The following SATB1 variants were observed in gnomAD, a reference collection of about 807,000 sequenced individuals.
The protein encoded by SATB1 is SATB homeobox 1, also known as DNA-binding protein SATB1.
SATB1 carries 11 observed loss-of-function variants against 86.9 expected under a neutral mutation model. The observed-to-expected ratio is 0.13, with a 90% CI of 0.08 to 0.21. The LOEUF is 0.21. Ranked by LOEUF, SATB1 falls within the 10% of genes least tolerant of loss-of-function variation. The pLI is 1.00. For synonymous variants in SATB1, 357 were observed against 357.2 expected (o/e 1.00, Z 0.01); for missense variants, 551 against 937.6 (o/e 0.59, Z 5.39).
intron 2 of SATB1, chr3:18,417,740 T>A: frequency 1.5e-6 from 1 of 685,832 alleles, no homozygotes; most frequent in Non-Finnish European, 2.6e-6. Flanking sequence ...TTATGAATAC[T>A]CATTTAACCT....
chr3:18,414,293 A>C (rs1698010157), intron 5 of SATB1, among the ~76,000 whole-genome samples: 1 of 152,066 alleles, frequency 6.6e-6, no homozygotes, highest in Non-Finnish European at 1.5e-5. Flanking sequence ...TTAAGAGTAG[A>C]TTCACAGCAT....
intron 1 of SATB1, among the ~76,000 whole-genome samples, chr3:18,437,380 C>T (rs1699099599): frequency 6.6e-6 from 1 of 151,954 alleles, no homozygotes; most frequent in South Asian, 2.1e-4. Flanking sequence ...AGTAGAAAAC[C>T]TTTCATAATT....
chr3:18,421,775 A>C (rs763461298), intron 1 of SATB1, among the ~76,000 whole-genome samples: 51 of 152,046 alleles, frequency 3.4e-4, no homozygotes, highest in Non-Finnish European at 4.0e-4. Flanking sequence ...GGCTGTTAAC[A>C]ATAAATATTT....
intron 1 of SATB1, chr3:18,445,134 C>G: frequency 1.2e-6 from 1 of 819,614 alleles, no homozygotes; most frequent in Non-Finnish European, 1.5e-6. Flanking sequence ...GCGTAGCCGC[C>G]GCTTCGGAGC....
rs550362979 is a variant in SATB1, at chr3:18,407,062, T to C, written c.639+8049A>G. On this transcript the variant is annotated intron_variant, in intron 5 of 10. Transcript: ENST00000338745. ...CAGAACAATGTGGCAAATGCTACGA[T>C]GGGCACATAAGGAGAGGACAGAACC... is the stretch of plus-strand genomic sequence containing the variant. 2.4e-3 allele frequency among the ~76,000 whole-genome samples: 370 copies of C among 152,166 alleles called. 2 individuals carry two copies. The highest frequency in any genetic ancestry group is 4.0e-3 in the Admixed American group (61 of 15,266).
intron 6 of SATB1, among the ~76,000 whole-genome samples, chr3:18,395,579 T>A (rs1696924814): frequency 6.6e-6 from 1 of 152,214 alleles, no homozygotes; most frequent in Non-Finnish European, 1.5e-5. Flanking sequence ...AGTAGGTATA[T>A]CTGGAAATAC....
At position 18,348,010 on chromosome 3, in the gene SATB1, A is replaced by G. The variant is rs549650253; in HGVS notation, c.*1160T>C. ...ACTCCTAGTCAGAACATTTCTGCAT[A>G]AAGAAAATTGTGATACACTTATAAA... is the stretch of plus-strand genomic sequence containing the variant. On this transcript the variant is annotated 3_prime_UTR_variant, in exon 11 of 11. Coordinates refer to ENST00000338745, the MANE Select transcript of SATB1 (RefSeq NM_002971.6). The G allele has an allele frequency of 1.3e-5, 2 of 152,728 alleles. No homozygotes were observed. Among genetic ancestry groups the G allele is most frequent in the South Asian group, 4.1e-4 (2 of 4,822 alleles). The allele number at this position is 152,728 out of a possible 1,614,324, so 9.5% of individuals were successfully genotyped here.
At chr3:18,439,597 A>T (rs1699182726), upstream of SATB1, among the ~76,000 whole-genome samples, 1 of 152,130 alleles carries the variant, frequency 6.6e-6, no homozygotes, top group African/African-American at 2.4e-5. Context: ...TATAGTAGAC[A>T]CTTTTTCTTC....
chr3:18,411,081 T>C, intron 5 of SATB1: 1 of 389,576 alleles, frequency 2.6e-6, no homozygotes, highest in Non-Finnish European at 4.5e-6. Flanking sequence ...AGTTGGAAAA[T>C]CATCTTTCTC....
intron 5 of SATB1, among the ~76,000 whole-genome samples, chr3:18,414,221 C>T (rs574997578): frequency 9.7e-4 from 147 of 152,094 alleles, no homozygotes; most frequent in Non-Finnish European, 1.8e-3. Context: ...GGCCTTAAAA[C>T]GGGTTTGGGT....
chr3:18,434,781 G>T (rs9714017), intron 2 of SATB1: 1 of 151,730 alleles, frequency 6.6e-6, no homozygotes, highest in East Asian at 1.9e-4. Context: ...TCACTTGAAA[G>T]AGAAAATATA....
intron 9 of SATB1, among the ~76,000 whole-genome samples, chr3:18,366,121 A>C (rs1230126301): frequency 2.0e-5 from 3 of 152,086 alleles, no homozygotes; most frequent in African/African-American, 7.2e-5. Context: ...GACAAGCAGC[A>C]CTCCTGTTGG....
At chr3:18,445,148 TGCGGCGCGGGCTGGCCAGCGGGGCGGCCA>T (rs1699356855) in intron 1 of SATB1, 1 of 885,158 alleles carries the variant, frequency 1.1e-6, no homozygotes, top group African/African-American at 1.8e-5. Context: ...TCGGAGCTTG[TGCGGCGCGGGCTGGCCAGCGGGGCGGCCA>T]GGGCCCGGCC....
At chr3:18,415,911 C>A in intron 4 of SATB1, 96 bp downstream of exon 4, 2 of 1,218,660 alleles carry the variant, frequency 1.6e-6, no homozygotes, top group Non-Finnish European at 2.3e-6. Context: ...GAAACACAGA[C>A]TAAAAAAAAA....
chr3:18,415,720 T>C (rs777358497), intron 4 of SATB1, among the ~76,000 whole-genome samples: 2 of 152,104 alleles, frequency 1.3e-5, no homozygotes, highest in South Asian at 2.1e-4. Context: ...TTATGTAAAA[T>C]GCCTTCTTGT....
At chr3:18,401,236 T>C (rs1050182963) in intron 5 of SATB1, among the ~76,000 whole-genome samples, 6 of 152,178 alleles carry the variant, frequency 3.9e-5, no homozygotes, top group African/African-American at 1.2e-4. Flanking sequence ...AAAGGGTCAC[T>C]GAAACAAGCC....
Position 18,444,534 on chromosome 3 carries a change from C to G in SATB1, c.-25+984G>C. On this transcript the variant is annotated intron_variant, in intron 1 of 3. Transcript: ENST00000415069. This position sits in a 1 kb window ranked among gnomAD's most constrained non-coding sequence, Gnocchi z 5.1. ...TGCTACGGAGAAGTTTGGATTGATTCCGGAAAAAGAGGGACAGAGATAAAA... is the reference window on the plus strand; with the variant it reads ...TGCTACGGAGAAGTTTGGATTGATTGCGGAAAAAGAGGGACAGAGATAAAA... The G allele has an allele frequency of 8.2e-6, 8 of 970,388 alleles. No homozygotes were observed. The highest frequency in any genetic ancestry group is 9.8e-6 in the Non-Finnish European group (8 of 816,530). The allele number at this position is 970,388 out of a possible 1,614,324, so 60.1% of individuals were successfully genotyped here. A position where few individuals can be genotyped will look rare whatever the true frequency, so the allele number is the denominator to read the frequency against.
intron 9 of SATB1, among the ~76,000 whole-genome samples, chr3:18,363,907 C>G (rs147783107): frequency 1.5e-4 from 23 of 152,208 alleles, no homozygotes; most frequent in African/African-American, 4.8e-4. Flanking sequence ...CTCACAAAGT[C>G]CTACAGCACT....
At chr3:18,445,002 A>C (rs1469912178) in intron 1 of SATB1, 1 of 165,278 alleles carries the variant, frequency 6.1e-6, no homozygotes, top group Non-Finnish European at 1.2e-5. Context: ...CGGCGCCTGC[A>C]GTCTGGAGGC....
Sources: gnomAD v4.1 joint callset for allele counts (sites outside exome capture counted in the v4.1 genomes callset) on GRCh38, gnomAD v4.1.1 for gene constraint, Gnocchi (gnomAD v3.1) non-coding constraint, MANE v1.5 for transcripts, NCBI Gene and HGNC (gene_info 2026-07-23, HGNC 2026-07-21) for gene names.